The following WDR4 variants were observed in gnomAD, a reference collection of about 807,000 sequenced individuals.
WDR4 encodes WDR4 tRNA N7-guanosine methyltransferase non-catalytic subunit.
Under a neutral mutation model 48.6 loss-of-function variants are expected in WDR4, and 47 were observed. The observed-to-expected ratio is 0.97, with a 90% CI of 0.77 to 1.23. The LOEUF (loss-of-function observed/expected upper bound fraction) is 1.23. Ranked by LOEUF, WDR4 falls within the 50% of genes most tolerant of loss-of-function variation. The probability of loss-of-function intolerance (pLI) is 0.00; values close to 1 mark genes in which losing one functional copy is unlikely to be tolerated. For missense variants in WDR4, 606 were observed against 551.6 expected, an observed-to-expected ratio of 1.10 and a Z score of -0.99; for synonymous variants, 268 against 230.0, an observed-to-expected ratio of 1.17 and a Z score of -1.49.
At chr21:42,852,080 T>C (rs540800899) in intron 10 of WDR4, among the ~76,000 whole-genome samples, 175 bp downstream of exon 10, 2 of 152,348 alleles carry the variant, frequency 1.3e-5, no homozygotes, top group African/African-American at 4.8e-5. Context: ...CTCCTTCTTC[T>C]GCTGTGCGTC....
chr21:42,854,658 C>A (rs955075056), intron 7 of WDR4, 32 bp from the exon 8 acceptor site: 1 of 1,607,710 alleles, frequency 6.2e-7, no homozygotes, highest in Non-Finnish European at 8.5e-7. Context: ...TAACTTCACG[C>A]CACCTGCAGG....
At chr21:42,869,367 C>T (rs1169010368) in intron 3 of WDR4, among the ~76,000 whole-genome samples, 3 of 152,218 alleles carry the variant, frequency 2.0e-5, no homozygotes, top group African/African-American at 4.8e-5. Flanking sequence ...GTCTAAGTAA[C>T]TGGATCACGT....
At chr21:42,886,136 T>C in the WDR4 span, among the ~76,000 whole-genome samples, 1 of 152,074 alleles carries the variant, frequency 6.6e-6, no homozygotes. Context: ...TTTGTATTTT[T>C]AGTAGAGACA....
Position 42,862,537 on chromosome 21 carries a change from CTCCTCCCG to C in WDR4, c.454-151_454-144del. 2.9e-6 allele frequency: 2 copies of C among 685,852 alleles called. No individual in the cohort carries two copies. The highest frequency in any genetic ancestry group is 1.8e-5 in the South Asian group (1 of 54,478). 42.5% of individuals were successfully genotyped at this position (685,852 alleles called of 1,614,324 possible). ...AGGACAGACCAGCGTGGCTCCTCCC[CTCCTCCCG>C]TCCCTACGTCTAATTGGTGGCCCTC... On this transcript the variant is annotated intron_variant, in intron 4 of 10. Transcript: ENST00000398208. The surrounding 1 kb of genome is among the most constrained non-coding windows in gnomAD (Gnocchi z 4.3).
At chr21:42,883,665 T>A (rs2058622045), upstream of WDR4, 1 of 153,770 alleles carries the variant, frequency 6.5e-6, no homozygotes, top group African/African-American at 2.4e-5. Context: ...TGAAGTTATG[T>A]GGCCATAATT....
intron 6 of WDR4, among the ~76,000 whole-genome samples, chr21:42,856,142 T>C (rs1387706639): frequency 6.6e-6 from 1 of 152,158 alleles, no homozygotes; most frequent in Non-Finnish European, 1.5e-5. Flanking sequence ...GACACGGGCA[T>C]GCACACAGGT....
In WDR4 at chr21:42,850,097, G is replaced by T. The variant is rs746458511; in HGVS notation, c.1191C>A (p.Asp397Glu). 4.8e-5 allele frequency: 78 copies of T among 1,613,920 alleles called. 1 individual carries two copies. The South Asian group carries it at 6.4e-4, about 13-fold the overall frequency. Residue 397 changes from aspartate (D) to glutamate (E), a missense_variant, in exon 11 of 11, where the codon GAC (aspartate) becomes GAA (glutamate). Coordinates refer to ENST00000398208, the MANE Select transcript of WDR4 (RefSeq NM_018669.6). ...CCGGTCTCATCTTCTTGGCATGCCC[G>T]TCGGGCCCAGGCGGGGGACTCCGGC... ...QRRRSPPPGP[D>E]GHAKKMRPGE... is the part of the protein sequence containing the mutation.
intron 3 of WDR4, among the ~76,000 whole-genome samples, chr21:42,866,055 C>A (rs2058238414): frequency 6.6e-6 from 1 of 152,178 alleles, no homozygotes; most frequent in Admixed American, 6.5e-5. Flanking sequence ...CTGCCTTTCC[C>A]ACGTGCTGCC....
At position 42,873,598 on chromosome 21, in the gene WDR4, C is replaced by G. The variant is rs1018798908; in HGVS notation, c.249G>C (p.Lys83Asn). The G allele has an allele frequency of 6.2e-7, 1 of 1,614,186 alleles. No individual in the cohort carries two copies. Among genetic ancestry groups the G allele is most frequent in the Non-Finnish European group, 8.5e-7 (1 of 1,180,038 alleles). ...GTTTTGTACGGAAAAGAATCAGACG[C>G]TTACTGTCATCGGTTAAAGCAAAAT... ...GSYFALTDDSKRLILFRTKPW... is the reference protein window; with the variant it reads ...GSYFALTDDSNRLILFRTKPW... Residue 83 changes from lysine (K) to asparagine (N), a missense_variant, in exon 3 of 11, where the codon AAG (lysine) becomes AAC (asparagine). Lys to Asn is a moderately conservative substitution (Grantham distance 94). Coordinates refer to ENST00000398208, the MANE Select transcript of WDR4 (RefSeq NM_018669.6).
intron 2 of WDR4, among the ~76,000 whole-genome samples, chr21:42,875,338 T>C (rs984752258): frequency 6.6e-6 from 1 of 151,928 alleles, no homozygotes; most frequent in African/African-American, 2.4e-5. Flanking sequence ...GATCACGAGG[T>C]CAGGAGATCG....
At chr21:42,859,401 G>A (rs900693243) in intron 6 of WDR4, among the ~76,000 whole-genome samples, 3 of 152,146 alleles carry the variant, frequency 2.0e-5, no homozygotes, top group Admixed American at 1.3e-4. Flanking sequence ...TGCAGCAGCC[G>A]CCCTCAGAAG....
At chr21:42,866,473 G>C (rs1218397997) in intron 3 of WDR4, among the ~76,000 whole-genome samples, 1 of 152,188 alleles carries the variant, frequency 6.6e-6, no homozygotes, top group Non-Finnish European at 1.5e-5. Flanking sequence ...CTCTAAAACT[G>C]AATGGAGGTG....
intron 5 of WDR4, among the ~76,000 whole-genome samples, chr21:42,861,990 CA>C (rs1386959458): frequency 1.3e-5 from 2 of 152,324 alleles, no homozygotes; most frequent in African/African-American, 4.8e-5. Flanking sequence ...GGGCATGGTG[CA>C]GGGGTCTCCA....
At chr21:42,869,825 C>T (rs1401371997) in intron 3 of WDR4, among the ~76,000 whole-genome samples, 1 of 151,654 alleles carries the variant, frequency 6.6e-6, no homozygotes, top group Admixed American at 6.6e-5. Context: ...GCCTGGCCAA[C>T]ATTGTGAAAC....
intron 3 of WDR4, among the ~76,000 whole-genome samples, chr21:42,864,393 A>T (rs1362367637): frequency 6.6e-6 from 1 of 151,906 alleles, no homozygotes; most frequent in Non-Finnish European, 1.5e-5. Context: ...ACCCACACTG[A>T]CCCCTGCTGC....
Position 42,850,100 on chromosome 21 carries a change from G to C in WDR4, c.1188C>G (p.Pro396=), listed in dbSNP as rs530886517. 22 of 1,613,944 alleles carry C rather than the reference G, an allele frequency of 1.4e-5. No homozygotes were observed. In the Middle Eastern group the frequency reaches 1.5e-3, roughly 109 times the overall value. The change falls in exon 11 of 11, where the codon CCC becomes CCG. Residue 396 remains proline, a synonymous_variant. Coordinates refer to ENST00000398208, the MANE Select transcript of WDR4 (RefSeq NM_018669.6). ...GTCTCATCTTCTTGGCATGCCCGTC[G>C]GGCCCAGGCGGGGGACTCCGGCGCC... The part of the protein sequence containing the change: ...KQRRRSPPPG[P]DGHAKKMRPG...
chr21:42,871,137 T>C (rs527348151), intron 3 of WDR4, among the ~76,000 whole-genome samples: 9 of 152,070 alleles, frequency 5.9e-5, no homozygotes, highest in Non-Finnish European at 1.0e-4. Context: ...TGTGAGGACA[T>C]AGGGAGAAGA....
At chr21:42,852,784 G>A (rs1234641266) in intron 9 of WDR4, among the ~76,000 whole-genome samples, 3 of 152,026 alleles carry the variant, frequency 2.0e-5, no homozygotes, top group African/African-American at 4.8e-5. Context: ...GTGTGGTGGC[G>A]CATGCCTGTA....
At chr21:42,876,613 G>A in intron 2 of WDR4, 89 bp downstream of exon 2, 1 of 1,258,662 alleles carries the variant, frequency 7.9e-7, no homozygotes, top group East Asian at 2.4e-5. Context: ...TAAGAATTCA[G>A]CAAGTAGGAC....
Sources: gnomAD v4.1 joint callset for allele counts (sites outside exome capture counted in the v4.1 genomes callset) on GRCh38, gnomAD v4.1.1 for gene constraint, Gnocchi (gnomAD v3.1) non-coding constraint, MANE v1.5 for transcripts, NCBI Gene and HGNC (gene_info 2026-07-23, HGNC 2026-07-21) for gene names.